Variants in MYH15 observed in about 807,000 individuals in gnomAD.
MYH15 encodes the protein myosin heavy chain 15.
In MYH15, 227 loss-of-function variants were observed where a neutral mutation model predicts 240.5. The ratio of observed to expected loss-of-function variants is 0.94; its 90% confidence interval spans 0.85 to 1.05. The LOEUF (loss-of-function observed/expected upper bound fraction) is 1.05. Among genes scored for constraint, MYH15 ranks in the 50% least tolerant of loss-of-function variants. The pLI is 0.00. For missense variants in MYH15, 2,217 were observed against 2,247.5 expected, an observed-to-expected ratio of 0.99 and a Z score of 0.27; for synonymous variants, 785 against 796.7, an observed-to-expected ratio of 0.99 and a Z score of 0.25.
Position 108,450,394 on chromosome 3 carries a change from C to A in MYH15, c.2399+3612G>T, listed in dbSNP as rs554732376. ...AAAAAGAAAACATTGTCATTTGTGACAACATGGGTTAACCTAGAGGACATT... is the reference window on the plus strand; with the variant it reads ...AAAAAGAAAACATTGTCATTTGTGAAAACATGGGTTAACCTAGAGGACATT... On this transcript the variant is annotated intron_variant, in intron 21 of 40. Transcript: ENST00000693548. 1.5e-4 allele frequency among the ~76,000 whole-genome samples: 23 copies of A among 152,196 alleles called. 1 individual carries two copies. The highest frequency in any genetic ancestry group is 9.6e-4 in the East Asian group (5 of 5,186).
At chr3:108,506,189 G>A (rs572270184) in intron 1 of MYH15, among the ~76,000 whole-genome samples, 143 of 151,962 alleles carry the variant, frequency 9.4e-4, no homozygotes, top group African/African-American at 2.3e-3. Flanking sequence ...TCCCTCCCCC[G>A]AGAAAACTCA....
At chr3:108,396,345 T>TC in intron 35 of MYH15, among the ~76,000 whole-genome samples, 2 of 152,064 alleles carry the variant, frequency 1.3e-5, no homozygotes, top group East Asian at 1.9e-4. Context: ...GTAGCAGGGT[T>TC]GGGGGGAGAC....
At chr3:108,435,907 G>A (rs2082830568) in intron 25 of MYH15, among the ~76,000 whole-genome samples, 1 of 151,156 alleles carries the variant, frequency 6.6e-6, no homozygotes, top group Admixed American at 6.6e-5. Flanking sequence ...TATTTAGGTT[G>A]CTTCTATATA....
At chr3:108,402,288 T>G (rs1053269752) in intron 33 of MYH15, among the ~76,000 whole-genome samples, 6 of 152,156 alleles carry the variant, frequency 3.9e-5, no homozygotes, top group Admixed American at 1.3e-4. Flanking sequence ...ACTCAGACAA[T>G]AAAAGAAACC....
At chr3:108,471,267 G>A (rs1358113147) in intron 12 of MYH15, among the ~76,000 whole-genome samples, 1 of 152,124 alleles carries the variant, frequency 6.6e-6, no homozygotes, top group African/African-American at 2.4e-5. Context: ...GTGTGGTGAT[G>A]TGTCCCAAAG....
chr3:108,476,482 T>C lies in MYH15; in HGVS notation c.1148A>G (p.Asn383Ser), dbSNP rs752745056. 2.5e-6 allele frequency: 4 copies of C among 1,613,014 alleles called. No homozygotes were observed. The change falls in exon 12 of 41, where the codon AAC becomes AGC. Residue 383 changes from asparagine (N) to serine (S), a missense_variant. Asn to Ser is a conservative substitution (Grantham distance 46). Coordinates refer to ENST00000693548, the MANE Select transcript of MYH15 (RefSeq NM_014981.3). The part of the protein sequence containing the change: ...ADKAAFLMGI[N>S]SSELVKCLIH... ...CAAGCACTTTACCAACTCAGAGGAG[T>C]TAATGCCCATGAGGAAAGCAGCTTT...
chr3:108,491,551 G>A lies in MYH15; in HGVS notation c.871+949C>T, dbSNP rs964521797. On this transcript the variant is annotated intron_variant, in intron 9 of 40. Coordinates refer to ENST00000693548, the MANE Select transcript of MYH15 (RefSeq NM_014981.3). ...CTTTTCCCCCACCCTTCCATTCTCA[G>A]ACACTCTCTTAGATCACTGTCTTGT... Among the ~76,000 whole-genome samples the A allele has an allele frequency of 3.3e-5, 5 of 151,758 alleles. No individual in the cohort carries two copies. The East Asian group carries it at 9.7e-4, about 29-fold the overall frequency.
chr3:108,505,546 AG>A (rs1459656177), intron 2 of MYH15, among the ~76,000 whole-genome samples, 176 bp downstream of exon 2: 11 of 152,212 alleles, frequency 7.2e-5, no homozygotes, highest in Non-Finnish European at 1.3e-4. Flanking sequence ...CTGAGATTAC[AG>A]GCATGAGCCA....
rs146285313 is a variant in MYH15 at position 108,480,314 on chromosome 3, G to A, written c.1115-3799C>T. Among the ~76,000 whole-genome samples the A allele has an allele frequency of 6.4e-3, 973 of 152,308 alleles. 11 individuals carry two copies. Among genetic ancestry groups the A allele is most frequent in the African/African-American group, 0.019 (776 of 41,574 alleles). ...AACAGCACGACTTGAAGCCACAGGC[G>A]TTGAAGAGTACAAGGTATGGTCAAA... On this transcript the variant is annotated intron_variant, in intron 11 of 40. Transcript: ENST00000693548.
intron 35 of MYH15, among the ~76,000 whole-genome samples, chr3:108,395,944 G>C (rs2082457571): frequency 6.6e-6 from 1 of 152,122 alleles, no homozygotes; most frequent in South Asian, 2.1e-4. Flanking sequence ...GTCTTTCTAT[G>C]AGCAGTAGCA....
intron 33 of MYH15, among the ~76,000 whole-genome samples, chr3:108,399,833 A>G (rs2082490630): frequency 6.6e-6 from 1 of 152,224 alleles, no homozygotes. Flanking sequence ...GGATTGGCTG[A>G]GACAACCAAT....
At position 108,443,895 on chromosome 3, in the gene MYH15, T is replaced by C. The variant is rs149315726; in HGVS notation, c.2655+745A>G. Among the ~76,000 whole-genome samples the C allele has an allele frequency of 7.4e-3, 1,088 of 147,910 alleles. 9 individuals are homozygous for C. Among genetic ancestry groups the C allele is most frequent in the Non-Finnish European group, 0.011 (760 of 67,440 alleles). ...TTTTTTTAATGTTTCACAAATAAATTTGATACAAAGCCAAGGTTAAGAACT... is the reference window on the plus strand; with the variant it reads ...TTTTTTTAATGTTTCACAAATAAATCTGATACAAAGCCAAGGTTAAGAACT... On this transcript the variant is annotated intron_variant, in intron 22 of 40. Coordinates refer to ENST00000693548, the MANE Select transcript of MYH15 (RefSeq NM_014981.3).
In MYH15 at chr3:108,460,317, C is replaced by A. The variant is rs2107580688; in HGVS notation, c.1915G>T (p.Val639Phe). Residue 639 changes from valine to phenylalanine, a missense_variant, in exon 17 of 41, where the codon GTT becomes TTT. Transcript: ENST00000693548. ...AAAATTACTTTATGCAGAGATGCAACCGTTTGGAATGAAGCTCCTTTCTTT... is the reference window on the plus strand; with the variant it reads ...AAAATTACTTTATGCAGAGATGCAAACGTTTGGAATGAAGCTCCTTTCTTT... Reference protein sequence around the residue: ...KRKKGASFQTVASLHKENLNK... With the variant: ...KRKKGASFQTFASLHKENLNK... 1 of 1,600,082 alleles carries A rather than the reference C, an allele frequency of 6.2e-7. No individual in the cohort carries two copies. The highest frequency in any genetic ancestry group is 8.5e-7 in the Non-Finnish European group (1 of 1,172,914).
intron 14 of MYH15, among the ~76,000 whole-genome samples, chr3:108,468,959 A>G (rs76030581): frequency 0.015 from 2,325 of 152,284 alleles, 57 homozygotes; most frequent in African/African-American, 0.049. Flanking sequence ...ATACCACATC[A>G]TAGTTGGTTC....
intron 27 of MYH15, among the ~76,000 whole-genome samples, chr3:108,425,910 T>C (rs1271758965): frequency 6.6e-6 from 1 of 152,200 alleles, no homozygotes; most frequent in Admixed American, 6.5e-5. Context: ...AAATGGGGAA[T>C]ATCCTATTGG....
chr3:108,500,056 G>A (rs2083424121), intron 4 of MYH15, 62 bp downstream of exon 4: 1 of 1,537,844 alleles, frequency 6.5e-7, no homozygotes, highest in African/African-American at 1.4e-5. Flanking sequence ...GTGCCTCTTA[G>A]GGACATAGAG....
At chr3:108,497,828 G>C (rs2083403909) in intron 6 of MYH15, among the ~76,000 whole-genome samples, 1 of 152,160 alleles carries the variant, frequency 6.6e-6, no homozygotes, top group Non-Finnish European at 1.5e-5. Context: ...CCTTTAAGCA[G>C]ATGTGAAATT....
chr3:108,441,529 T>C (rs1165790273), intron 22 of MYH15, among the ~76,000 whole-genome samples: 1 of 152,220 alleles, frequency 6.6e-6, no homozygotes, highest in Non-Finnish European at 1.5e-5. Context: ...AATAGAATCC[T>C]GGTGGCCTAA....
At chr3:108,383,253 G>T (rs941479042) in intron 40 of MYH15, among the ~76,000 whole-genome samples, 1 of 152,124 alleles carries the variant, frequency 6.6e-6, no homozygotes, top group Non-Finnish European at 1.5e-5. Context: ...ATTTTGAGCC[G>T]ATCCATCTGT....
Sources: allele counts gnomAD v4.1 joint callset (sites outside exome capture counted in the v4.1 genomes callset), GRCh38; gene constraint gnomAD v4.1.1; transcripts MANE v1.5; gene names NCBI Gene and HGNC (gene_info 2026-07-23, HGNC 2026-07-21).